RGS2: variants seen among roughly 807,000 people sequenced by gnomAD.
RGS2 encodes the protein regulator of G protein signaling 2.
In RGS2, 20 loss-of-function variants were observed where a neutral mutation model predicts 26.6. That is an observed-to-expected ratio of 0.75 (90% CI 0.53 to 1.09). The LOEUF (loss-of-function observed/expected upper bound fraction) is 1.09, where lower values mean the gene tolerates loss of function less well. RGS2 is among the 50% of genes least tolerant of loss of function. RGS2 has a pLI of 0.00. For synonymous variants in RGS2, 97 were observed against 79.9 expected, an observed-to-expected ratio of 1.21 and a Z score of -1.14; for missense variants, 246 against 245.5, an observed-to-expected ratio of 1.00 and a Z score of -0.01.
chr1:192,811,289 G>T, intron 4 of RGS2, 113 bp from the exon 5 acceptor site: 1 of 1,299,780 alleles, frequency 7.7e-7, no homozygotes, highest in Non-Finnish European at 1.1e-6. Context: ...AAGTTCTCCT[G>T]TGACTTAGCT....
chr1:192,809,609 C>T (rs1665553189), intron 1 of RGS2: 1 of 301,776 alleles, frequency 3.3e-6, no homozygotes, highest in African/African-American at 2.2e-5. Flanking sequence ...GCAGATCTCA[C>T]CCAGTCCGAA....
At position 192,810,433 on chromosome 1, in the gene RGS2, TA is replaced by T. The variant is rs762304757; in HGVS notation, c.274+4del. ...TTGACGAGCTGCTAGCCAGCAAATG[TA>T]AGTTAACTCTTGAGCTTGAGCCATT... On this transcript the variant is annotated splice_donor_region_variant and intron_variant, in intron 3 of 4. Transcript: ENST00000235382. The T allele has an allele frequency of 6.2e-7, 1 of 1,613,792 alleles. No individual in the cohort carries two copies.
At chr1:192,810,807 T>C in intron 3 of RGS2, 174 bp from the exon 4 acceptor site, 1 of 714,020 alleles carries the variant, frequency 1.4e-6, no homozygotes, top group Non-Finnish European at 2.4e-6. Context: ...ATAAGCCTTT[T>C]GCCTACTGGT....
chr1:192,810,629 G>T, intron 3 of RGS2, 198 bp downstream of exon 3: 1 of 652,190 alleles, frequency 1.5e-6, no homozygotes, highest in Admixed American at 2.5e-5. Flanking sequence ...AAGAAAATCA[G>T]CCTAAACAAA....
Position 192,812,042 on chromosome 1 carries a change from C to G in RGS2, c.*446C>G, listed in dbSNP as rs4606. 73,360 of 244,498 alleles carry G rather than the reference C, an allele frequency of 0.3. 11,377 individuals are homozygous for G. Among genetic ancestry groups the G allele is most frequent in the East Asian group, 0.51 (5,062 of 9,924 alleles). 15.1% of individuals were successfully genotyped at this position (244,498 alleles called of 1,614,324 possible). ...ACAGTGAAGTGTTTACTATGTGCAA[C>G]GGTATTGAAGTTCTTATGACCACAG... On this transcript the variant is annotated 3_prime_UTR_variant, in exon 5 of 5. Coordinates refer to ENST00000235382, the MANE Select transcript of RGS2 (RefSeq NM_002923.4).
At chr1:192,810,759 A>G (rs1665578278) in intron 3 of RGS2, 1 of 621,878 alleles carries the variant, frequency 1.6e-6, no homozygotes, top group Non-Finnish European at 2.8e-6. Flanking sequence ...CTTTGCATTG[A>G]CAGCAAAGTA....
At chr1:192,809,213 C>A in intron 1 of RGS2, 32 bp downstream of exon 1, 2 of 1,457,972 alleles carry the variant, frequency 1.4e-6, no homozygotes, top group South Asian at 1.1e-5. Flanking sequence ...CTCCCGCCAC[C>A]CCCTGCCCCA....
chr1:192,809,132 G>A lies in RGS2; in HGVS notation c.61G>A (p.Gly21Ser), dbSNP rs966247612. The change falls in exon 1 of 5, where the codon GGC becomes AGC. Residue 21 changes from glycine to serine, a missense_variant. By Grantham distance (56) the Gly-to-Ser change is moderately conservative. Coordinates refer to ENST00000235382, the MANE Select transcript of RGS2 (RefSeq NM_002923.4). ...CTGCAGACCCATGGACAAGAGCGCA[G>A]GCAGTGGCCACAAGAGCGAGGAGAA... Reference protein sequence around the residue: ...HDCRPMDKSAGSGHKSEEKRE... With the variant: ...HDCRPMDKSASSGHKSEEKRE... 2 of 1,614,034 alleles carry A rather than the reference G, an allele frequency of 1.2e-6. No homozygotes were observed. The highest frequency in any genetic ancestry group is 3.3e-5 in the Admixed American group (2 of 60,000).
rs1391773751 is a variant in RGS2 at position 192,811,895 on chromosome 1, G to C, written c.*299G>C. 7.1e-6 allele frequency: 3 copies of C among 423,474 alleles called. No individual in the cohort carries two copies. The highest frequency in any genetic ancestry group is 7.0e-5 in the South Asian group (3 of 42,730). The allele number at this position is 423,474 out of a possible 1,614,324, so 26.2% of individuals were successfully genotyped here. A position where few individuals can be genotyped will look rare whatever the true frequency, so the allele number is the denominator to read the frequency against. ...ATGATGAAAGAGACAATGTAATACTGTTGGTCCAAAAGCATTTAAAATCAA... is the reference window on the plus strand; with the variant it reads ...ATGATGAAAGAGACAATGTAATACTCTTGGTCCAAAAGCATTTAAAATCAA... On this transcript the variant is annotated 3_prime_UTR_variant, in exon 5 of 5. Transcript: ENST00000235382.
intron 1 of RGS2, among the ~76,000 whole-genome samples, chr1:192,809,827 A>T (rs1054030285): frequency 6.6e-6 from 1 of 152,204 alleles, no homozygotes; most frequent in Admixed American, 6.5e-5. Flanking sequence ...TCGGAATTGT[A>T]ATTAACCTTG....
In RGS2 at chr1:192,810,991, T is replaced by A; in HGVS notation, c.285T>A (p.Ala95=). The change falls in exon 4 of 5, where the codon GCT becomes GCA. Residue 95 remains alanine (A), a synonymous_variant. Coordinates refer to ENST00000235382, the MANE Select transcript of RGS2 (RefSeq NM_002923.4). ...DELLASKYGL[A]AFRAFLKSEF... The stretch of plus-strand genomic sequence containing the variant: ...TTCTCCCCCCTTCAGATGGTCTTGC[T>A]GCATTCAGGGCTTTTTTAAAGTCGG... The A allele has an allele frequency of 1.2e-6, 2 of 1,614,154 alleles. No individual in the cohort carries two copies. The highest frequency in any genetic ancestry group is 1.7e-6 in the Non-Finnish European group (2 of 1,179,976).
chr1:192,809,176 G>T lies in RGS2; in HGVS notation c.105G>T (p.Arg35=). The T allele has an allele frequency of 6.2e-7, 1 of 1,606,448 alleles. No homozygotes were observed. The highest frequency in any genetic ancestry group is 8.5e-7 in the Non-Finnish European group (1 of 1,173,040). ...KSEEKREKMK[R]TLLKDWKTRL... ...AGGAGAAGCGAGAAAAGATGAAACG[G>T]ACCCTGTGAGTATGGCTTTCTTCCC... Residue 35 remains arginine, a synonymous_variant, in exon 1 of 5, where the codon CGG becomes CGT. Transcript: ENST00000235382.
In RGS2 at chr1:192,811,040, T is replaced by C; in HGVS notation, c.334T>C (p.Phe112Leu). 1 of 1,614,138 alleles carries C rather than the reference T, an allele frequency of 6.2e-7. No individual in the cohort carries two copies. Among genetic ancestry groups the C allele is most frequent in the Non-Finnish European group, 8.5e-7 (1 of 1,180,004 alleles). Reference protein sequence around the residue: ...KSEFCEENIEFWLACEDFKKT... With the variant: ...KSEFCEENIELWLACEDFKKT... The stretch of plus-strand genomic sequence containing the variant: ...GGAATTCTGTGAAGAAAATATTGAA[T>C]TCTGGCTGGCCTGTGAAGACTTCAA... The change falls in exon 4 of 5, where the codon TTC (phenylalanine) becomes CTC (leucine). Residue 112 changes from phenylalanine to leucine, a missense_variant. Coordinates refer to ENST00000235382, the MANE Select transcript of RGS2 (RefSeq NM_002923.4).
rs1013921591 is a variant in RGS2 at position 192,812,026 on chromosome 1, T to C, written c.*430T>C. The C allele has an allele frequency of 7.5e-6, 2 of 266,620 alleles. No individual in the cohort carries two copies. Among genetic ancestry groups the C allele is most frequent in the Non-Finnish European group, 1.5e-5 (2 of 133,796 alleles). The allele number at this position is 266,620 out of a possible 1,614,324, so 16.5% of individuals were successfully genotyped here. A position where few individuals can be genotyped will look rare whatever the true frequency, so the allele number is the denominator to read the frequency against. ...AGTTTAGGATTCAGTAACAGTGAAG[T>C]GTTTACTATGTGCAACGGTATTGAA... On this transcript the variant is annotated 3_prime_UTR_variant, in exon 5 of 5. Transcript: ENST00000235382.
chr1:192,810,174 A>C lies in RGS2; in HGVS notation c.119A>C (p.Asp40Ala). The change falls in exon 2 of 5, where the codon GAT (aspartate) becomes GCT (alanine). Residue 40 changes from aspartate (D) to alanine (A), a missense_variant. Asp to Ala is a moderately radical substitution (Grantham distance 126). Transcript: ENST00000235382. ...REKMKRTLLKDWKTRLSYFLQ... is the reference protein window; with the variant it reads ...REKMKRTLLKAWKTRLSYFLQ... ...TTAATTTTTTGTTTTAGTTTAAAAG[A>C]TTGGAAGACCCGTTTGAGCTACTTC... 6.2e-7 allele frequency: 1 copy of C among 1,605,994 alleles called. No individual in the cohort carries two copies. The highest frequency in any genetic ancestry group is 8.5e-7 in the Non-Finnish European group (1 of 1,172,618).
chr1:192,809,082 C>T lies in RGS2; in HGVS notation c.11C>T (p.Ala4Val), dbSNP rs142499684. 19 of 1,612,550 alleles carry T rather than the reference C, an allele frequency of 1.2e-5. No homozygotes were observed. Among genetic ancestry groups the T allele is most frequent in the African/African-American group, 6.7e-5 (5 of 74,908 alleles). MQS[A>V]MFLAVQHDCR... Reference sequence around the variant, plus strand: ...AGCGGGAGAACGATAATGCAAAGTGCTATGTTCTTGGCTGTTCAACACGAC... The same window carrying T: ...AGCGGGAGAACGATAATGCAAAGTGTTATGTTCTTGGCTGTTCAACACGAC... The change falls in exon 1 of 5, where the codon GCT (alanine) becomes GTT (valine). Residue 4 changes from alanine (A) to valine (V), a missense_variant. Transcript: ENST00000235382.
intron 3 of RGS2, 32 bp from the exon 4 acceptor site, chr1:192,810,949 A>C: frequency 6.3e-7 from 1 of 1,594,774 alleles, no homozygotes; most frequent in Non-Finnish European, 8.6e-7. Context: ...AGTTCTTCAC[A>C]TTCTGCATGC....
Position 192,812,040 on chromosome 1 carries a change from A to G in RGS2, c.*444A>G. 4.0e-6 allele frequency: 1 copy of G among 248,360 alleles called. No individual in the cohort carries two copies. The highest frequency in any genetic ancestry group is 4.7e-5 in the South Asian group (1 of 21,054). 15.4% of individuals were successfully genotyped at this position (248,360 alleles called of 1,614,324 possible). A position where few individuals can be genotyped will look rare whatever the true frequency, so the allele number is the denominator to read the frequency against. ...TAACAGTGAAGTGTTTACTATGTGC[A>G]ACGGTATTGAAGTTCTTATGACCAC... On this transcript the variant is annotated 3_prime_UTR_variant, in exon 5 of 5. Transcript: ENST00000235382.
intron 3 of RGS2, chr1:192,810,664 A>C (rs12565735): frequency 3.2e-6 from 2 of 621,500 alleles, no homozygotes; most frequent in East Asian, 5.5e-5. Flanking sequence ...GCTTATAGTT[A>C]AGGTTGAGTC....
Sources: allele counts gnomAD v4.1 joint callset (sites outside exome capture counted in the v4.1 genomes callset), GRCh38; gene constraint gnomAD v4.1.1; transcripts MANE v1.5; gene names NCBI Gene and HGNC (gene_info 2026-07-23, HGNC 2026-07-21).